Variants in WNT7B observed in about 807,000 individuals in gnomAD.
WNT7B encodes the protein Wnt family member 7B, also known as protein Wnt-7b.
In WNT7B, 19 loss-of-function variants were observed where a neutral mutation model predicts 38.2. That is an observed-to-expected ratio of 0.50 (90% CI 0.35 to 0.73). The LOEUF (loss-of-function observed/expected upper bound fraction) is 0.73, where lower values mean the gene tolerates loss of function less well. WNT7B is among the 30% of genes least tolerant of loss of function. WNT7B has a pLI of 0.01. For missense variants in WNT7B, 423 were observed against 507.9 expected, an observed-to-expected ratio of 0.83 and a Z score of 1.61; for synonymous variants, 243 against 209.3, an observed-to-expected ratio of 1.16 and a Z score of -1.39.
chr22:45,939,651 A>T (rs9802994), intron 2 of WNT7B, among the ~76,000 whole-genome samples: 28 of 92,762 alleles, frequency 3.0e-4, no homozygotes, highest in South Asian at 7.8e-4. Context: ...ACACACACTC[A>T]CACACACACA....
intron 1 of WNT7B, among the ~76,000 whole-genome samples, chr22:45,960,191 C>T (rs1932164016): frequency 6.6e-6 from 1 of 152,186 alleles, no homozygotes; most frequent in South Asian, 2.1e-4. Context: ...CCAGGTGGCC[C>T]CAGACCTGCC....
In WNT7B at chr22:45,973,576, C is replaced by A. The variant is rs976467322; in HGVS notation, c.71+3108G>T. Among the ~76,000 whole-genome samples, 23 of 152,344 alleles carry A rather than the reference C, an allele frequency of 1.5e-4. 1 individual carries two copies. The South Asian group carries it at 1.9e-3, about 12-fold the overall frequency. On this transcript the variant is annotated intron_variant, in intron 1 of 3. Coordinates refer to ENST00000339464, the MANE Select transcript of WNT7B (RefSeq NM_058238.3). ...AGGGCTGGTCCTAGAACTGCAGCGA[C>A]TCCAGTTCCAGTGAGCAGAGAGTGT...
chr22:45,950,196 C>G (rs1169450809), intron 1 of WNT7B, 50 bp from the exon 2 acceptor site: 2 of 1,502,810 alleles, frequency 1.3e-6, no homozygotes, highest in African/African-American at 1.4e-5. Context: ...GCCAGCGCCC[C>G]TCCTCACCCC....
intron 2 of WNT7B, among the ~76,000 whole-genome samples, chr22:45,947,832 T>G (rs1177987654): frequency 6.6e-6 from 1 of 152,084 alleles, no homozygotes; most frequent in Non-Finnish European, 1.5e-5. Flanking sequence ...AGGGGTGTCT[T>G]AGGTGGGCTC....
chr22:45,957,682 C>CAAAAAAAA (rs367797133), intron 1 of WNT7B, among the ~76,000 whole-genome samples: 455 of 36,022 alleles, frequency 0.013, 71 homozygotes, highest in African/African-American at 0.014. Context: ...GACTCCGTCT[C>CAAAAAAAA]AAAAAAAAAA....
In WNT7B at chr22:45,922,691, G is replaced by T; in HGVS notation, c.*165C>A. 1 of 1,152,850 alleles carries T rather than the reference G, an allele frequency of 8.7e-7. No individual in the cohort carries two copies. The highest frequency in any genetic ancestry group is 1.2e-6 in the Non-Finnish European group (1 of 841,616). 71.4% of individuals were successfully genotyped at this position (1,152,850 alleles called of 1,614,324 possible). On this transcript the variant is annotated 3_prime_UTR_variant, in exon 4 of 4. Coordinates refer to ENST00000339464, the MANE Select transcript of WNT7B (RefSeq NM_058238.3). Reference sequence around the variant, plus strand: ...GGCAGGAAGGAGCCCCAGGGAGGCGGGCAGAGGGCGTGGGCCCCGGCCGGT... The same window carrying T: ...GGCAGGAAGGAGCCCCAGGGAGGCGTGCAGAGGGCGTGGGCCCCGGCCGGT...
At chr22:45,929,538 ATCCT>A (rs1931227797) in intron 3 of WNT7B, among the ~76,000 whole-genome samples, 1 of 128,348 alleles carries the variant, frequency 7.8e-6, no homozygotes. Flanking sequence ...CCACCCACTC[ATCCT>A]TCCAACCATC....
intron 1 of WNT7B, among the ~76,000 whole-genome samples, chr22:45,950,897 T>G (rs762106570): frequency 6.6e-6 from 1 of 152,230 alleles, no homozygotes; most frequent in Non-Finnish European, 1.5e-5. Context: ...GAGCACCTAC[T>G]GTGTGCCGGG....
Position 45,965,332 on chromosome 22 carries a change from G to A in WNT7B, c.71+11352C>T, listed in dbSNP as rs977389727. Among the ~76,000 whole-genome samples the A allele has an allele frequency of 1.3e-5, 2 of 152,182 alleles. No individual in the cohort carries two copies. Among genetic ancestry groups the A allele is most frequent in the African/African-American group, 2.4e-5 (1 of 41,446 alleles). ...TCCCACAGGGCTTTGTGTCAACGAC[G>A]CTGGAAGGCAGGGCGGTAGGGACTT... is the stretch of plus-strand genomic sequence containing the variant. On this transcript the variant is annotated intron_variant, in intron 1 of 3. Coordinates refer to ENST00000339464, the MANE Select transcript of WNT7B (RefSeq NM_058238.3). The surrounding 1 kb of genome is among the most constrained non-coding windows in gnomAD (Gnocchi z 6.5).
chr22:45,940,017 G>A (rs769807417), intron 2 of WNT7B, among the ~76,000 whole-genome samples: 6 of 152,148 alleles, frequency 3.9e-5, no homozygotes, highest in Non-Finnish European at 5.9e-5. Context: ...TTTCTGGGGT[G>A]ATGAAAATGT....
At chr22:45,958,072 C>T (rs1932113557) in intron 1 of WNT7B, among the ~76,000 whole-genome samples, 1 of 152,268 alleles carries the variant, frequency 6.6e-6, no homozygotes, top group South Asian at 2.1e-4. Context: ...GCCTCCTGCT[C>T]TGCCCGTGCC....
chr22:45,953,529 A>G (rs1931987876), intron 1 of WNT7B, among the ~76,000 whole-genome samples: 1 of 152,244 alleles, frequency 6.6e-6, no homozygotes, highest in African/African-American at 2.4e-5. Flanking sequence ...ATCTGAAAGA[A>G]CTACAACTCA....
At chr22:45,935,297 G>C (rs1194161207) in intron 2 of WNT7B, among the ~76,000 whole-genome samples, 1 of 152,198 alleles carries the variant, frequency 6.6e-6, no homozygotes, top group African/African-American at 2.4e-5. Flanking sequence ...ACGACTTCCA[G>C]TGCCTTGGCC....
At chr22:45,933,149 T>G (rs1931420368) in intron 2 of WNT7B, among the ~76,000 whole-genome samples, 1 of 152,152 alleles carries the variant, frequency 6.6e-6, no homozygotes, top group Non-Finnish European at 1.5e-5. Context: ...GGAGAAGACC[T>G]TGGTAGGCTG....
intron 1 of WNT7B, chr22:45,954,898 C>G: frequency 2.6e-6 from 1 of 377,580 alleles, no homozygotes; most frequent in Non-Finnish European, 3.6e-6. Context: ...TGCAGGTGTG[C>G]AGATTAGAGC....
chr22:45,960,067 C>G (rs1481821895), intron 1 of WNT7B, among the ~76,000 whole-genome samples: 1 of 152,162 alleles, frequency 6.6e-6, no homozygotes, highest in African/African-American at 2.4e-5. Context: ...ACCCACCATC[C>G]TGCCCCTGGC....
intron 1 of WNT7B, among the ~76,000 whole-genome samples, chr22:45,960,314 C>A (rs1434909981): frequency 2.0e-5 from 3 of 152,196 alleles, no homozygotes; most frequent in Non-Finnish European, 4.4e-5. Context: ...GCACTCCCAC[C>A]CACCAGCCCC....
intron 1 of WNT7B, among the ~76,000 whole-genome samples, chr22:45,970,096 C>T (rs906156592): frequency 2.0e-5 from 3 of 152,212 alleles, no homozygotes; most frequent in South Asian, 4.1e-4. Context: ...CCAAACAAAC[C>T]GGGCAAGGGA....
At chr22:45,955,697 C>A (rs920404993) in intron 1 of WNT7B, among the ~76,000 whole-genome samples, 7 of 152,178 alleles carry the variant, frequency 4.6e-5, no homozygotes, top group Non-Finnish European at 1.0e-4. Flanking sequence ...AGGCGAGATG[C>A]CAGGTGGGAT....
Sources: gnomAD v4.1 joint callset for allele counts (sites outside exome capture counted in the v4.1 genomes callset) on GRCh38, gnomAD v4.1.1 for gene constraint, Gnocchi (gnomAD v3.1) non-coding constraint, MANE v1.5 for transcripts, NCBI Gene and HGNC (gene_info 2026-07-23, HGNC 2026-07-21) for gene names.